PTPN2: variants seen among roughly 807,000 people sequenced by gnomAD.
PTPN2 encodes the protein protein tyrosine phosphatase non-receptor type 2, also known as tyrosine-protein phosphatase non-receptor type 2.
In PTPN2, 19 loss-of-function variants were observed where a neutral mutation model predicts 57.3. The observed-to-expected ratio is 0.33, with a 90% CI of 0.23 to 0.49. PTPN2 has a LOEUF of 0.49. PTPN2 is among the 20% of genes least tolerant of loss of function. The pLI is 0.99. For synonymous variants in PTPN2, 153 were observed against 164.9 expected, an observed-to-expected ratio of 0.93 and a Z score of 0.55; for missense variants, 358 against 501.1, an observed-to-expected ratio of 0.71 and a Z score of 2.73.
At chr18:12,821,721 C>G (rs1402157973) in intron 5 of PTPN2, among the ~76,000 whole-genome samples, 1 of 152,108 alleles carries the variant, frequency 6.6e-6, no homozygotes, top group Non-Finnish European at 1.5e-5. Context: ...TGTCTGTTAG[C>G]ACGAACAAAT....
At chr18:12,811,410 A>G (rs1415949922) in intron 7 of PTPN2, among the ~76,000 whole-genome samples, 1 of 152,220 alleles carries the variant, frequency 6.6e-6, no homozygotes, top group African/African-American at 2.4e-5. Flanking sequence ...ACCAAAAATC[A>G]AGTCTCACTG....
chr18:12,792,023 C>T (rs2040998200), downstream of PTPN2: 1 of 170,842 alleles, frequency 5.9e-6, no homozygotes, highest in Admixed American at 6.5e-5. Context: ...CAATAACAAC[C>T]TGAAATGTAA....
intron 2 of PTPN2, among the ~76,000 whole-genome samples, chr18:12,856,578 AATG>A (rs2043596500): frequency 6.6e-6 from 1 of 152,258 alleles, no homozygotes; most frequent in East Asian, 1.9e-4. Context: ...GCCTGGTCCC[AATG>A]ATGATGGAGG....
At chr18:12,842,038 C>G (rs1181491510) in intron 2 of PTPN2, among the ~76,000 whole-genome samples, 1 of 152,096 alleles carries the variant, frequency 6.6e-6, no homozygotes, top group African/African-American at 2.4e-5. Context: ...TCCTGAGTAG[C>G]TGGGATTACA....
chr18:12,820,064 T>C (rs1293748737), intron 5 of PTPN2, among the ~76,000 whole-genome samples: 4 of 152,176 alleles, frequency 2.6e-5, no homozygotes. Context: ...AAACATATGG[T>C]TACCCCACAA....
At chr18:12,796,787 G>C (rs1467850195) in intron 8 of PTPN2, among the ~76,000 whole-genome samples, 2 of 152,076 alleles carry the variant, frequency 1.3e-5, no homozygotes, top group East Asian at 3.9e-4. Flanking sequence ...TCTCATTTCA[G>C]TTCTACTCTT....
intron 3 of PTPN2, among the ~76,000 whole-genome samples, chr18:12,836,566 A>G (rs2042873751): frequency 6.6e-6 from 1 of 152,168 alleles, no homozygotes. Flanking sequence ...TTTCCTAAGA[A>G]TTTTCCTTCA....
chr18:12,873,609 G>C (rs1433058254), intron 1 of PTPN2, among the ~76,000 whole-genome samples: 5 of 152,190 alleles, frequency 3.3e-5, no homozygotes, highest in African/African-American at 1.2e-4. Flanking sequence ...GCCCAGGCTG[G>C]AGTGCAGTGG....
intron 1 of PTPN2, among the ~76,000 whole-genome samples, chr18:12,874,459 G>A (rs1181318263): frequency 7.0e-5 from 10 of 142,314 alleles, no homozygotes; most frequent in Admixed American, 2.8e-4. Context: ...GGTGAGGGGC[G>A]CCTCTGCCCG....
chr18:12,785,884 T>G, intron 9 of PTPN2: 1 of 1,535,884 alleles, frequency 6.5e-7, no homozygotes, highest in Non-Finnish European at 9.0e-7. Flanking sequence ...CAATTCATAT[T>G]TACCAAACAC....
At chr18:12,806,553 AGCTATAG>A (rs1296921670) in intron 7 of PTPN2, among the ~76,000 whole-genome samples, 32 of 152,130 alleles carry the variant, frequency 2.1e-4, no homozygotes, top group African/African-American at 7.5e-4. Flanking sequence ...TATACTACAA[AGCTATAG>A]TAACCAAAAT....
rs2042003663 is a variant in PTPN2, at chr18:12,814,610, T to C, written c.706-255A>G. ...TTCACAACTGATTCCAAACCAATCA[T>C]AGTAATCTCATTCCTTCTGGCCAGT... On this transcript the variant is annotated intron_variant, in intron 6 of 8. Transcript: ENST00000309660. Among the ~76,000 whole-genome samples the C allele has an allele frequency of 2.0e-5, 3 of 152,164 alleles. No homozygotes were observed. The South Asian group carries it at 6.2e-4, about 31-fold the overall frequency.
intron 5 of PTPN2, among the ~76,000 whole-genome samples, chr18:12,823,586 A>C (rs192164631): frequency 6.6e-6 from 1 of 152,224 alleles, no homozygotes; most frequent in Admixed American, 6.5e-5. Context: ...AGGACAGGAG[A>C]ATCACTTGAA....
At chr18:12,791,618 T>G (rs991959746), downstream of PTPN2, among the ~76,000 whole-genome samples, 2 of 152,108 alleles carry the variant, frequency 1.3e-5, no homozygotes, top group East Asian at 3.9e-4. Flanking sequence ...CAAAAAATAT[T>G]ATTACTGGTA....
intron 1 of PTPN2, among the ~76,000 whole-genome samples, chr18:12,871,496 TAAGA>T (rs1179593572): frequency 3.3e-5 from 5 of 152,196 alleles, no homozygotes; most frequent in African/African-American, 1.2e-4. Context: ...CTTTACATAT[TAAGA>T]AAGTTTAGTT....
At chr18:12,851,849 C>T (rs2145446164) in intron 2 of PTPN2, among the ~76,000 whole-genome samples, 1 of 152,262 alleles carries the variant, frequency 6.6e-6, no homozygotes, top group East Asian at 1.9e-4. Context: ...CTGACACTAC[C>T]AGAATCATGA....
chr18:12,827,559 A>AT, intron 4 of PTPN2, among the ~76,000 whole-genome samples: 1 of 151,390 alleles, frequency 6.6e-6, no homozygotes, highest in East Asian at 2.0e-4. Flanking sequence ...TACTTTTTGT[A>AT]TTTTTTGTAG....
intron 2 of PTPN2, among the ~76,000 whole-genome samples, chr18:12,847,965 A>G (rs2043270515): frequency 6.6e-6 from 1 of 152,108 alleles, no homozygotes; most frequent in Non-Finnish European, 1.5e-5. Flanking sequence ...ACAGTGAGTG[A>G]GAAAATCTTT....
intron 7 of PTPN2, among the ~76,000 whole-genome samples, chr18:12,806,805 A>G (rs2041668399): frequency 6.6e-6 from 1 of 152,170 alleles, no homozygotes; most frequent in Non-Finnish European, 1.5e-5. Context: ...AAAATGGACT[A>G]AAGACTTAAA....
Sources: gnomAD v4.1 joint callset for allele counts (sites outside exome capture counted in the v4.1 genomes callset) on GRCh38, gnomAD v4.1.1 for gene constraint, MANE v1.5 for transcripts, NCBI Gene and HGNC (gene_info 2026-07-23, HGNC 2026-07-21) for gene names.